RBM47: variants seen among roughly 807,000 people sequenced by gnomAD.
RBM47 encodes RNA-binding protein 47.
RBM47 carries 21 observed loss-of-function variants against 47.1 expected under a neutral mutation model. The ratio of observed to expected loss-of-function variants is 0.45; its 90% CI spans 0.32 to 0.64. The LOEUF is 0.64. Ranked by LOEUF, RBM47 falls within the 30% of genes least tolerant of loss-of-function variation. The probability of loss-of-function intolerance (pLI) is 0.05; values close to 1 mark genes in which losing one functional copy is unlikely to be tolerated. For missense variants in RBM47, 708 were observed against 870.9 expected (o/e 0.81, Z 2.35); for synonymous variants, 375 against 361.7 (o/e 1.04, Z -0.42).
chr4:40,601,407 T>C (rs1735275631), intron 1 of RBM47, among the ~76,000 whole-genome samples: 1 of 152,180 alleles, frequency 6.6e-6, no homozygotes, highest in African/African-American at 2.4e-5. Flanking sequence ...AAAGCCCCGC[T>C]GGCCCTGTCC....
chr4:40,529,273 C>CA (rs2154258831), intron 2 of RBM47, among the ~76,000 whole-genome samples: 1 of 151,624 alleles, frequency 6.6e-6, no homozygotes, highest in African/African-American at 2.4e-5. Context: ...TTGGGGAGGC[C>CA]AAGGTGGGCA....
intron 2 of RBM47, among the ~76,000 whole-genome samples, chr4:40,488,658 G>A (rs544344672): frequency 6.6e-6 from 1 of 152,280 alleles, no homozygotes; most frequent in African/African-American, 2.4e-5. Flanking sequence ...CACCCTGGTA[G>A]TACATACAGG....
rs1560357419 is a variant in RBM47 at position 40,437,119 on chromosome 4, T to TATATTAC, written c.1124-473_1124-472insGTAATAT. On this transcript the variant is annotated intron_variant, in intron 4 of 6. Transcript: ENST00000295971. ...TATATATATATATATATAAAATACA[T>TATATTAC]ATATATATATATAAAATACATATAT... Among the ~76,000 whole-genome samples, 45 of 72,696 alleles carry TATATTAC rather than the reference T, an allele frequency of 6.2e-4. 2 individuals are homozygous for TATATTAC. The highest frequency in any genetic ancestry group is 4.0e-3 in the African/African-American group (44 of 11,098). 47.7% of individuals were successfully genotyped at this position (72,696 alleles called of 152,430 possible).
intron 1 of RBM47, among the ~76,000 whole-genome samples, chr4:40,607,306 A>C (rs1735851603): frequency 6.6e-6 from 1 of 152,226 alleles, no homozygotes; most frequent in South Asian, 2.1e-4. Context: ...CCAGACAGGC[A>C]AATCTATAGT....
In RBM47 at chr4:40,475,182, T is replaced by C. The variant is rs548642065; in HGVS notation, c.-154-8483A>G. ...GATAAAAGTCTTCTTATACAAGAAC[T>C]TTACTCTGAGAGGAAATGTCATCAT... On this transcript the variant is annotated intron_variant, in intron 2 of 6. Transcript: ENST00000295971. 2.0e-5 allele frequency among the ~76,000 whole-genome samples: 3 copies of C among 152,332 alleles called. No homozygotes were observed. In the South Asian group the frequency reaches 6.2e-4, roughly 32 times the overall value.
At chr4:40,498,538 C>T (rs752179502) in intron 2 of RBM47, among the ~76,000 whole-genome samples, 155 of 151,814 alleles carry the variant, frequency 1.0e-3, no homozygotes, top group Non-Finnish European at 1.8e-3. Context: ...ATTAGCCTGG[C>T]ATGGTGGTGC....
chr4:40,426,043 G>A lies in RBM47; in HGVS notation c.1643C>T (p.Ala548Val), dbSNP rs1022161590. Residue 548 changes from alanine to valine, a missense_variant, in exon 7 of 7, where the codon GCT (alanine) becomes GTT (valine). By Grantham distance (64) the Ala-to-Val change is moderately conservative (BLOSUM62 0). Coordinates refer to ENST00000295971, the MANE Select transcript of RBM47 (RefSeq NM_001098634.2). ...CTGTAGTGTGGCGATCGTGGCTGTA[G>A]CTGGAGCAGCAAATGGCACGTAACT... The part of the protein sequence containing the change: ...GASYVPFAAP[A>V]TATIATLQKN... 1.9e-6 allele frequency: 3 copies of A among 1,614,124 alleles called. No individual in the cohort carries two copies. The highest frequency in any genetic ancestry group is 1.3e-5 in the African/African-American group (1 of 74,934).
chr4:40,504,274 T>A (rs960633485), intron 2 of RBM47, among the ~76,000 whole-genome samples: 16 of 150,914 alleles, frequency 1.1e-4, no homozygotes, highest in African/African-American at 3.9e-4. Context: ...AAATGGTATC[T>A]CTCTGTTGTT....
intron 4 of RBM47, 60 bp from the exon 5 acceptor site, chr4:40,436,707 C>G: frequency 6.4e-7 from 1 of 1,552,086 alleles, no homozygotes; most frequent in African/African-American, 1.4e-5. Flanking sequence ...GGAGGCAGAC[C>G]TCAGCCCTCG....
chr4:40,540,343 T>C (rs1728390008), intron 2 of RBM47, among the ~76,000 whole-genome samples: 1 of 152,136 alleles, frequency 6.6e-6, no homozygotes, highest in Non-Finnish European at 1.5e-5. Flanking sequence ...TAAAATTCTT[T>C]GTTAAAAATA....
chr4:40,479,475 T>C (rs1044310986), intron 2 of RBM47, among the ~76,000 whole-genome samples: 2 of 152,038 alleles, frequency 1.3e-5, no homozygotes, highest in African/African-American at 2.4e-5. Flanking sequence ...TGGTGACATA[T>C]GCCTGTGGTC....
intron 1 of RBM47, among the ~76,000 whole-genome samples, chr4:40,564,666 C>T (rs1322144362): frequency 6.6e-6 from 1 of 152,170 alleles, no homozygotes. Context: ...GTAAAACATA[C>T]TCATTTAGTC....
At chr4:40,541,193 G>T (rs1475206675) in intron 2 of RBM47, among the ~76,000 whole-genome samples, 2 of 150,884 alleles carry the variant, frequency 1.3e-5, no homozygotes, top group Non-Finnish European at 2.9e-5. Flanking sequence ...TTGAGCCCAG[G>T]AGTTCGAGGC....
intron 1 of RBM47, among the ~76,000 whole-genome samples, chr4:40,568,984 A>AAGAT (rs60078594): frequency 0.075 from 10,859 of 144,780 alleles, 523 homozygotes; most frequent in East Asian, 0.1. Flanking sequence ...TCTGTCTCAA[A>AAGAT]AGATAGATAG....
chr4:40,471,408 T>C (rs1215694275), intron 2 of RBM47, among the ~76,000 whole-genome samples: 5 of 151,990 alleles, frequency 3.3e-5, no homozygotes, highest in Non-Finnish European at 7.4e-5. Context: ...TTAAAAAATA[T>C]ACAATTTGGT....
chr4:40,437,697 C>T (rs886969663), intron 4 of RBM47, 74 bp downstream of exon 4: 128 of 1,426,582 alleles, frequency 9.0e-5, no homozygotes, highest in Non-Finnish European at 1.1e-4. Flanking sequence ...ATGCCAGCCA[C>T]GGTATCCCTG....
intron 2 of RBM47, among the ~76,000 whole-genome samples, chr4:40,475,191 A>G (rs887808769): frequency 3.9e-5 from 6 of 152,350 alleles, no homozygotes; most frequent in Admixed American, 6.5e-5. Flanking sequence ...CTTTACTCTG[A>G]GAGGAAATGT....
intron 2 of RBM47, among the ~76,000 whole-genome samples, chr4:40,526,896 T>C (rs529625525): frequency 2.3e-4 from 34 of 147,096 alleles, no homozygotes; most frequent in Admixed American, 5.0e-4. Flanking sequence ...TACTGATGCC[T>C]GACTTAGAGC....
At chr4:40,601,091 GTAAGAAT>G (rs1166505175) in intron 1 of RBM47, among the ~76,000 whole-genome samples, 1 of 151,658 alleles carries the variant, frequency 6.6e-6, no homozygotes, top group African/African-American at 2.4e-5. Flanking sequence ...AACCATCACC[GTAAGAAT>G]TCAAGGCCAG....
Sources: gnomAD v4.1 joint callset for allele counts (sites outside exome capture counted in the v4.1 genomes callset) on GRCh38, gnomAD v4.1.1 for gene constraint, MANE v1.5 for transcripts, NCBI Gene and HGNC (gene_info 2026-07-23, HGNC 2026-07-21) for gene names.